The following PLA2G4A variants were observed in gnomAD, a reference collection of about 807,000 sequenced individuals.
PLA2G4A encodes cytosolic phospholipase A2.
In PLA2G4A, 40 loss-of-function variants were observed where a neutral mutation model predicts 81.9. The observed-to-expected ratio is 0.49, with a 90% CI of 0.38 to 0.64. The LOEUF (loss-of-function observed/expected upper bound fraction) is 0.64. Among genes scored for constraint, PLA2G4A ranks in the 30% least tolerant of loss-of-function variants. The pLI, the probability that PLA2G4A is intolerant of heterozygous loss-of-function variation, is 0.00. For missense variants in PLA2G4A, 715 were observed against 905.1 expected (o/e 0.79, Z 2.69); for synonymous variants, 302 against 296.9 (o/e 1.02, Z -0.18).
At chr1:186,926,868 A>G (rs1655568297) in intron 7 of PLA2G4A, among the ~76,000 whole-genome samples, 1 of 152,348 alleles carries the variant, frequency 6.6e-6, no homozygotes, top group Non-Finnish European at 1.5e-5. Flanking sequence ...CAGTAATATT[A>G]TACATATTCT....
At chr1:186,905,640 C>G (rs1156968967) in intron 5 of PLA2G4A, among the ~76,000 whole-genome samples, 7 of 151,942 alleles carry the variant, frequency 4.6e-5, no homozygotes. Flanking sequence ...TGATTTTGTC[C>G]CCAATAGTAA....
Position 186,950,744 on chromosome 1 carries a change from A to C in PLA2G4A, c.1336+16A>C, listed in dbSNP as rs987229853. On this transcript the variant is annotated intron_variant, in intron 13 of 17. Transcript: ENST00000367466. ...GAACCCAAAGGTGAGTGAGCCGGAAACTTTTCTGGCCCAGATCCATGAGGA... is the reference window on the plus strand; with the variant it reads ...GAACCCAAAGGTGAGTGAGCCGGAACCTTTTCTGGCCCAGATCCATGAGGA... The C allele has an allele frequency of 6.1e-6, 9 of 1,479,760 alleles. No individual in the cohort carries two copies. The highest frequency in any genetic ancestry group is 1.7e-4 in the Middle Eastern group (1 of 5,808). 91.7% of individuals were successfully genotyped at this position (1,479,760 alleles called of 1,614,324 possible).
chr1:186,925,614 C>T (rs1401678161), intron 7 of PLA2G4A, among the ~76,000 whole-genome samples: 1 of 152,130 alleles, frequency 6.6e-6, no homozygotes, highest in African/African-American at 2.4e-5. Flanking sequence ...ACTTCACCCC[C>T]TTTTTAACTA....
At chr1:186,922,988 T>A (rs1461468555) in intron 7 of PLA2G4A, among the ~76,000 whole-genome samples, 1 of 152,246 alleles carries the variant, frequency 6.6e-6, no homozygotes, top group Non-Finnish European at 1.5e-5. Flanking sequence ...ACCAATTATG[T>A]CAGTCGTCAA....
At position 186,939,163 on chromosome 1, in the gene PLA2G4A, G is replaced by A; in HGVS notation, c.851G>A (p.Ser284Asn). ...RYVESLWKKK[S>N]SGQPVTFTDI... The stretch of plus-strand genomic sequence containing the variant: ...GTTGAGTCTTTATGGAAGAAGAAAA[G>A]CTCTGGACAACCTGTCACCTTTACT... The change falls in exon 9 of 18, where the codon AGC becomes AAC. Residue 284 changes from serine to asparagine, a missense_variant. Coordinates refer to ENST00000367466, the MANE Select transcript of PLA2G4A (RefSeq NM_024420.3). The A allele has an allele frequency of 6.2e-7, 1 of 1,610,246 alleles. No individual in the cohort carries two copies. Among genetic ancestry groups the A allele is most frequent in the Non-Finnish European group, 8.5e-7 (1 of 1,176,708 alleles).
At chr1:186,979,898 T>C (rs1241880061) in intron 17 of PLA2G4A, among the ~76,000 whole-genome samples, 1 of 151,760 alleles carries the variant, frequency 6.6e-6, no homozygotes, top group African/African-American at 2.4e-5. Flanking sequence ...ACATATTTTC[T>C]TTTTGTGAAT....
At chr1:186,930,679 C>T (rs1571412504) in intron 7 of PLA2G4A, among the ~76,000 whole-genome samples, 1 of 152,122 alleles carries the variant, frequency 6.6e-6, no homozygotes, top group East Asian at 1.9e-4. Flanking sequence ...ATTAACCATA[C>T]CTATAGACTC....
At chr1:186,896,432 A>G (rs1654335728) in intron 5 of PLA2G4A, among the ~76,000 whole-genome samples, 1 of 152,236 alleles carries the variant, frequency 6.6e-6, no homozygotes, top group South Asian at 2.1e-4. Context: ...GCTGAATCAT[A>G]GGGAAGAGAG....
At chr1:186,909,545 A>T in intron 6 of PLA2G4A, among the ~76,000 whole-genome samples, 1 of 150,960 alleles carries the variant, frequency 6.6e-6, no homozygotes, top group Non-Finnish European at 1.5e-5. Context: ...CTGTAATCCC[A>T]GCTACTTGGG....
chr1:186,963,160 T>C (rs1171887442), intron 14 of PLA2G4A, among the ~76,000 whole-genome samples: 2 of 152,218 alleles, frequency 1.3e-5, no homozygotes, highest in South Asian at 2.1e-4. Context: ...TTAGGATAAA[T>C]GTAAGTAACC....
intron 9 of PLA2G4A, among the ~76,000 whole-genome samples, chr1:186,939,502 A>G (rs1005636576): frequency 1.3e-5 from 2 of 149,464 alleles, no homozygotes; most frequent in African/African-American, 5.1e-5. Context: ...GAAAAAAAAA[A>G]AAAAAAAAAA....
Position 186,946,638 on chromosome 1 carries a change from T to C in PLA2G4A, c.1035T>C (p.Asp345=), listed in dbSNP as rs770599762. 4.4e-6 allele frequency: 7 copies of C among 1,607,746 alleles called. No individual in the cohort carries two copies. Among genetic ancestry groups the C allele is most frequent in the African/African-American group, 2.7e-5 (2 of 74,752 alleles). ...KPDVSELMFA[D]WVEFSPYEIG... is the part of the protein sequence containing the mutation. ...GCCTTGTTTTTAAAATACTTTCAGA[T>C]TGGGTTGAATTTAGTCCATACGAAA... Residue 345 remains aspartate, a splice_region_variant and synonymous_variant, in exon 11 of 18, where the codon GAT becomes GAC. Transcript: ENST00000367466.
intron 1 of PLA2G4A, among the ~76,000 whole-genome samples, chr1:186,853,395 GT>G (rs1286189429): frequency 6.6e-6 from 1 of 151,750 alleles, no homozygotes; most frequent in East Asian, 1.9e-4. Context: ...AGCAGTTTTT[GT>G]TTGTGACAAT....
At chr1:186,836,379 AT>A (rs949777932) in intron 1 of PLA2G4A, among the ~76,000 whole-genome samples, 3 of 151,752 alleles carry the variant, frequency 2.0e-5, no homozygotes, top group African/African-American at 7.3e-5. Context: ...CTAAGATGTA[AT>A]TTAAACAGAT....
At chr1:186,920,111 T>C (rs1457636408) in intron 7 of PLA2G4A, among the ~76,000 whole-genome samples, 1 of 152,194 alleles carries the variant, frequency 6.6e-6, no homozygotes, top group Non-Finnish European at 1.5e-5. Flanking sequence ...TAGCTAGAGC[T>C]GGTTTTATCT....
chr1:186,959,382 A>G (rs991151967), intron 14 of PLA2G4A, among the ~76,000 whole-genome samples: 2 of 152,018 alleles, frequency 1.3e-5, no homozygotes, highest in Non-Finnish European at 2.9e-5. Context: ...ATATAAACCA[A>G]TTTTTTTGAG....
Position 186,988,650 on chromosome 1 carries a change from A to AACT in PLA2G4A, c.*142_*143insACT. Reference sequence around the variant, plus strand: ...CTCAAAGTTGCAGTTACTTAGCTGCATGAGAATAATACTATTATAAGTTAG... The same window carrying AACT: ...CTCAAAGTTGCAGTTACTTAGCTGCAACTTGAGAATAATACTATTATAAGTTAG... On this transcript the variant is annotated 3_prime_UTR_variant, in exon 18 of 18. Coordinates refer to ENST00000367466, the MANE Select transcript of PLA2G4A (RefSeq NM_024420.3). 1.4e-6 allele frequency: 1 copy of AACT among 697,842 alleles called. No individual in the cohort carries two copies. Among genetic ancestry groups the AACT allele is most frequent in the Non-Finnish European group, 2.6e-6 (1 of 382,666 alleles). 43.2% of individuals were successfully genotyped at this position (697,842 alleles called of 1,614,324 possible).
At chr1:186,874,358 A>C (rs1014764147) in intron 3 of PLA2G4A, among the ~76,000 whole-genome samples, 7 of 109,278 alleles carry the variant, frequency 6.4e-5, no homozygotes, top group African/African-American at 2.6e-4. Flanking sequence ...TAGCTACCTT[A>C]CTGAATTTCT....
intron 15 of PLA2G4A, among the ~76,000 whole-genome samples, chr1:186,971,801 G>A (rs1338628591): frequency 1.3e-5 from 2 of 151,864 alleles, no homozygotes; most frequent in Admixed American, 1.3e-4. Context: ...GAAAATTTGC[G>A]AGGAGTCTAC....
Sources: gnomAD v4.1 joint callset for allele counts (sites outside exome capture counted in the v4.1 genomes callset) on GRCh38, gnomAD v4.1.1 for gene constraint, MANE v1.5 for transcripts, NCBI Gene and HGNC (gene_info 2026-07-23, HGNC 2026-07-21) for gene names.